Variants in ZNF469 observed in about 807,000 individuals in gnomAD.
ZNF469 encodes zinc finger protein 469.
A neutral mutation model predicts 1.0 loss-of-function variants in ZNF469; 1 was observed. The ratio of observed to expected loss-of-function variants is 1.00; its 90% CI spans 0.35 to 4.73. The LOEUF (loss-of-function observed/expected upper bound fraction) is 4.73, where lower values mean the gene tolerates loss of function less well. Ranked by LOEUF, ZNF469 falls within the 30% of genes most tolerant of loss-of-function variation. The pLI is 0.16. For synonymous variants in ZNF469, 2,703 were observed against 2,363.4 expected (o/e 1.14, Z -4.17); for missense variants, 6,100 against 5,356.3 (o/e 1.14, Z -4.33).
Position 88,430,827 on chromosome 16 carries a change from G to T in ZNF469, c.3357G>T (p.Glu1119Asp). 8 of 1,533,998 alleles carry T rather than the reference G, an allele frequency of 5.2e-6. No homozygotes were observed. The highest frequency in any genetic ancestry group is 7.0e-6 in the Non-Finnish European group (8 of 1,145,554). The change falls in exon 3 of 3, where the codon GAG (glutamate) becomes GAT (aspartate). Residue 1119 changes from glutamate (E) to aspartate (D), a missense_variant. Transcript: ENST00000565624. ...PGFRGRRGRG[E>D]KRKEVELTQG... ...TCAGAGGCCGGCGGGGCCGAGGCGA[G>T]AAGAGGAAGGAAGTGGAGCTGACCC...
Position 88,430,888 on chromosome 16 carries a change from A to C in ZNF469, c.3418A>C (p.Lys1140Gln), listed in dbSNP as rs1906120354. The C allele has an allele frequency of 6.5e-7, 1 of 1,537,328 alleles. No individual in the cohort carries two copies. Among genetic ancestry groups the C allele is most frequent in the African/African-American group, 1.4e-5 (1 of 72,812 alleles). Residue 1140 changes from lysine to glutamine, a missense_variant, in exon 3 of 3, where the codon AAG becomes CAG. Physicochemically the swap from Lys to Gln is moderately conservative, Grantham distance 53. Coordinates refer to ENST00000565624, the MANE Select transcript of ZNF469 (RefSeq NM_001367624.2). The part of the protein sequence containing the change: ...PREDEPQKPR[K>Q]AARQEAGGDG... ...AGAGGATGAGCCACAGAAACCCCGGAAGGCGGCGAGGCAGGAAGCCGGCGG... is the reference window on the plus strand; with the variant it reads ...AGAGGATGAGCCACAGAAACCCCGGCAGGCGGCGAGGCAGGAAGCCGGCGG...
At chr16:88,242,461 C>A in the ZNF469 span, among the ~76,000 whole-genome samples, 1 of 152,154 alleles carries the variant, frequency 6.6e-6, no homozygotes, top group Non-Finnish European at 1.5e-5. Context: ...GCATCTATGT[C>A]CTAATCTTCT....
chr16:88,129,900 C>T, the ZNF469 span, among the ~76,000 whole-genome samples: 1 of 152,212 alleles, frequency 6.6e-6, no homozygotes, highest in Non-Finnish European at 1.5e-5. Flanking sequence ...GCCACACCAG[C>T]CACCGAAGCC....
chr16:88,107,726 C>T, the ZNF469 span, among the ~76,000 whole-genome samples: 2 of 152,322 alleles, frequency 1.3e-5, no homozygotes, highest in East Asian at 1.9e-4. Context: ...GACATAGACG[C>T]GGAGGCAGAG....
chr16:88,217,460 CT>C, the ZNF469 span, among the ~76,000 whole-genome samples: 1 of 151,482 alleles, frequency 6.6e-6, no homozygotes, highest in African/African-American at 2.4e-5. Context: ...TATTATTATA[CT>C]TTAAGTTTTA....
chr16:88,417,630 G>A (rs373617574), intron 1 of ZNF469, among the ~76,000 whole-genome samples: 142 of 152,356 alleles, frequency 9.3e-4, no homozygotes, highest in Non-Finnish European at 1.7e-3. Context: ...TTGGGCAGGG[G>A]AGAAGGACCC....
the ZNF469 span, among the ~76,000 whole-genome samples, chr16:88,244,206 T>C: frequency 2.9e-5 from 4 of 137,728 alleles, no homozygotes; most frequent in Admixed American, 3.0e-4. Flanking sequence ...GGTGGATACA[T>C]GCATTTATGC....
chr16:88,401,834 T>C (rs1349747727), intron 1 of ZNF469, among the ~76,000 whole-genome samples: 1 of 143,150 alleles, frequency 7.0e-6, no homozygotes, highest in African/African-American at 2.6e-5. Flanking sequence ...GGTGGATGGA[T>C]GGTGGATGGA....
At position 88,429,837 on chromosome 16, in the gene ZNF469, C is replaced by T. The variant is rs1205303872; in HGVS notation, c.2367C>T (p.Gly789=). 6.5e-7 allele frequency: 1 copy of T among 1,548,776 alleles called. No homozygotes were observed. Among genetic ancestry groups the T allele is most frequent in the Admixed American group, 2.0e-5 (1 of 50,976 alleles). The change falls in exon 3 of 3, where the codon GGC becomes GGT. Residue 789 remains glycine (G), a synonymous_variant. Transcript: ENST00000565624. The part of the protein sequence containing the change: ...APRVPADAHA[G]LLSHAKTFLL... ...GAGTCCCTGCCGACGCACACGCGGG[C>T]TTGCTCAGCCACGCGAAGACCTTCC...
At chr16:88,138,646 T>G in the ZNF469 span, among the ~76,000 whole-genome samples, 6 of 152,236 alleles carry the variant, frequency 3.9e-5, no homozygotes, top group African/African-American at 1.4e-4. Flanking sequence ...ATCACCAGAT[T>G]AACCTCTAAA....
At chr16:88,128,155 G>A in the ZNF469 span, among the ~76,000 whole-genome samples, 27,532 of 152,028 alleles carry the variant, frequency 0.18, 3,112 homozygotes, top group African/African-American at 0.32. Flanking sequence ...ATGGCGAGAC[G>A]GCACCAGCAC....
the ZNF469 span, among the ~76,000 whole-genome samples, chr16:88,252,489 C>T: frequency 2.1e-4 from 32 of 150,934 alleles, no homozygotes; most frequent in South Asian, 1.3e-3. Context: ...CACCTCTCCT[C>T]TGGCTTCTCT....
At chr16:88,312,953 C>T in the ZNF469 span, among the ~76,000 whole-genome samples, 1 of 151,788 alleles carries the variant, frequency 6.6e-6, no homozygotes, top group Non-Finnish European at 1.5e-5. Context: ...TTAGACTCAA[C>T]TTACTTAGTT....
the ZNF469 span, among the ~76,000 whole-genome samples, chr16:88,166,121 C>T: frequency 5.9e-5 from 9 of 152,332 alleles, no homozygotes; most frequent in South Asian, 1.7e-3. The surrounding 1 kb of genome is among the most constrained non-coding windows in gnomAD (Gnocchi z 4.5). Flanking sequence ...ACAGGCTGGC[C>T]CAGAGCCTGC....
chr16:88,274,094 C>A, the ZNF469 span, among the ~76,000 whole-genome samples: 1 of 152,202 alleles, frequency 6.6e-6, no homozygotes, highest in African/African-American at 2.4e-5. Context: ...TGAGCCACCG[C>A]GCCTGGCCAG....
In ZNF469 at chr16:88,431,672, A is replaced by G. The variant is rs1906193607; in HGVS notation, c.4202A>G (p.Lys1401Arg). ...TGTTTCCTGGAAGAACTGCACCCCA[A>G]GCCCTCAGCCAGGGATGCCCCGCCG... is the stretch of plus-strand genomic sequence containing the variant. Reference protein sequence around the residue: ...AGCFLEELHPKPSARDAPPAS... With the variant: ...AGCFLEELHPRPSARDAPPAS... The change falls in exon 3 of 3, where the codon AAG becomes AGG. Residue 1401 changes from lysine (K) to arginine (R), a missense_variant. Lys to Arg is a conservative substitution (Grantham distance 26). Transcript: ENST00000565624. 1 of 1,550,364 alleles carries G rather than the reference A, an allele frequency of 6.5e-7. No homozygotes were observed. The highest frequency in any genetic ancestry group is 1.4e-5 in the African/African-American group (1 of 73,142).
the ZNF469 span, among the ~76,000 whole-genome samples, chr16:88,251,536 G>GTT: frequency 1.3e-5 from 1 of 78,784 alleles, no homozygotes; most frequent in African/African-American, 5.3e-5. Flanking sequence ...TGTCCCTGCT[G>GTT]TCTTTTTTTT....
intron 1 of ZNF469, among the ~76,000 whole-genome samples, chr16:88,419,629 C>T (rs1380601309): frequency 1.3e-5 from 2 of 152,190 alleles, no homozygotes; most frequent in African/African-American, 2.4e-5. Flanking sequence ...GCCCCTGAAG[C>T]CCATGCTGGT....
the ZNF469 span, among the ~76,000 whole-genome samples, chr16:88,320,585 C>A: frequency 6.6e-6 from 1 of 152,090 alleles, no homozygotes; most frequent in Non-Finnish European, 1.5e-5. Context: ...GGTTTTACTA[C>A]GTTGGCCAGG....
Sources: allele counts gnomAD v4.1 joint callset (sites outside exome capture counted in the v4.1 genomes callset), GRCh38; gene constraint gnomAD v4.1.1; non-coding constraint Gnocchi (gnomAD v3.1); transcripts MANE v1.5; gene names NCBI Gene and HGNC (gene_info 2026-07-23, HGNC 2026-07-21).